EPAS1: variants seen among roughly 807,000 people sequenced by gnomAD.
EPAS1 encodes the protein endothelial PAS domain-containing protein 1.
Under a neutral mutation model 87.9 loss-of-function variants are expected in EPAS1, and 23 were observed. The ratio of observed to expected loss-of-function variants is 0.26; its 90% CI spans 0.19 to 0.37. The LOEUF is 0.37. EPAS1 is among the 10% of genes least tolerant of loss of function. The pLI is 1.00. For synonymous variants in EPAS1, 508 were observed against 444.3 expected (o/e 1.14, Z -1.80); for missense variants, 1,138 against 1,120.7 (o/e 1.02, Z -0.22).
intron 1 of EPAS1, among the ~76,000 whole-genome samples, chr2:46,308,144 C>T (rs1449793259): frequency 6.6e-6 from 1 of 152,204 alleles, no homozygotes; most frequent in South Asian, 2.1e-4. Context: ...ATTCCCACTT[C>T]TATTCCCTCA....
At chr2:46,304,587 A>C (rs147452240) in intron 1 of EPAS1, among the ~76,000 whole-genome samples, 1 of 152,216 alleles carries the variant, frequency 6.6e-6, no homozygotes, top group African/African-American at 2.4e-5. Context: ...TGAAAGGCCA[A>C]CATGGAACTC....
In EPAS1 at chr2:46,385,532, C is replaced by T. The variant is rs1317509938; in HGVS notation, c.*872C>T. On this transcript the variant is annotated 3_prime_UTR_variant, in exon 16 of 16. Transcript: ENST00000263734. ...TTCTTAGTGTTGTGGACACTGCAGA[C>T]TTGTCCAGTGCTCCCACGGCCTGTA... 2 of 152,328 alleles carry T rather than the reference C, an allele frequency of 1.3e-5. No homozygotes were observed. Among genetic ancestry groups the T allele is most frequent in the Non-Finnish European group, 2.9e-5 (2 of 68,036 alleles). 9.4% of individuals were successfully genotyped at this position (152,328 alleles called of 1,614,324 possible). A position where few individuals can be genotyped will look rare whatever the true frequency, so the allele number is the denominator to read the frequency against.
chr2:46,379,307 C>T (rs915811722), intron 11 of EPAS1, among the ~76,000 whole-genome samples: 5 of 152,258 alleles, frequency 3.3e-5, no homozygotes, highest in African/African-American at 9.6e-5. Flanking sequence ...GGGAGGGGTA[C>T]GTGTTTTACA....
chr2:46,330,342 C>T (rs752404011), intron 1 of EPAS1, among the ~76,000 whole-genome samples: 3 of 152,204 alleles, frequency 2.0e-5, no homozygotes, highest in Admixed American at 6.5e-5. Context: ...TCTTCCTACA[C>T]GTAGAGCTAG....
At chr2:46,362,977 A>AGTGGTGGTGGTGGTGGTGGTG (rs75642579) in intron 6 of EPAS1, among the ~76,000 whole-genome samples, 21 of 104,336 alleles carry the variant, frequency 2.0e-4, no homozygotes, top group Non-Finnish European at 2.5e-4. Flanking sequence ...TGGTGGTGGT[A>AGTGGTGGTGGTGGTGGTGGTG]GTGGTGGTGG....
intron 6 of EPAS1, among the ~76,000 whole-genome samples, chr2:46,365,563 C>T (rs2103645340): frequency 6.6e-6 from 1 of 152,276 alleles, no homozygotes; most frequent in Non-Finnish European, 1.5e-5. Flanking sequence ...ACACAACCTT[C>T]CTATGTATAC....
intron 1 of EPAS1, among the ~76,000 whole-genome samples, chr2:46,320,044 A>G (rs889456869): frequency 3.3e-5 from 5 of 152,202 alleles, no homozygotes; most frequent in African/African-American, 9.7e-5. Context: ...CAAATGATCT[A>G]TTACAACAAT....
rs557609922 is a variant in EPAS1, at chr2:46,302,942, G to GT, written c.26+5006dup. ...CAAAAAATTAGCCAGGCGTGGTGGCGTATGCCTGTAGTCCCAGCTACTCAA... is the reference window on the plus strand; with the variant it reads ...CAAAAAATTAGCCAGGCGTGGTGGCGTTATGCCTGTAGTCCCAGCTACTCAA... On this transcript the variant is annotated intron_variant, in intron 1 of 15. Transcript: ENST00000263734. 1.0e-3 allele frequency among the ~76,000 whole-genome samples: 155 copies of GT among 152,106 alleles called. 1 individual carries two copies. The highest frequency in any genetic ancestry group is 3.6e-3 in the African/African-American group (148 of 41,508).
chr2:46,344,440 C>T (rs1367077501), intron 1 of EPAS1, among the ~76,000 whole-genome samples: 1 of 152,198 alleles, frequency 6.6e-6, no homozygotes, highest in Admixed American at 6.5e-5. Flanking sequence ...TTGGAGAGCA[C>T]AAGGGTTAGT....
chr2:46,300,325 T>G lies in EPAS1; in HGVS notation c.26+2388T>G, dbSNP rs1004150112. ...CTAGTTCTTACATTTTGTGTTTCTTTGGTTTAGCAGAGCAGTTTCTTCCCC... is the reference window on the plus strand; with the variant it reads ...CTAGTTCTTACATTTTGTGTTTCTTGGGTTTAGCAGAGCAGTTTCTTCCCC... On this transcript the variant is annotated intron_variant, in intron 1 of 15. Transcript: ENST00000263734. This position sits in a 1 kb window ranked among gnomAD's most constrained non-coding sequence, Gnocchi z 4.1. Among the ~76,000 whole-genome samples the G allele has an allele frequency of 6.6e-6, 1 of 152,248 alleles. No individual in the cohort carries two copies. The highest frequency in any genetic ancestry group is 2.4e-5 in the African/African-American group (1 of 41,462).
Position 46,384,782 on chromosome 2 carries a change from T to C in EPAS1, c.*122T>C, listed in dbSNP as rs972513941. 3 of 1,341,948 alleles carry C rather than the reference T, an allele frequency of 2.2e-6. No homozygotes were observed. In the Admixed American group the frequency reaches 6.0e-5, roughly 27 times the overall value. The allele number at this position is 1,341,948 out of a possible 1,614,324, so 83.1% of individuals were successfully genotyped here. A position where few individuals can be genotyped will look rare whatever the true frequency, so the allele number is the denominator to read the frequency against. ...ACACTATTTACAAGATGGACTTACC[T>C]GGCAGACTTGCCCAGGTCACCAAGC... On this transcript the variant is annotated 3_prime_UTR_variant, in exon 16 of 16. Transcript: ENST00000263734.
chr2:46,341,587 T>C (rs1022194129), intron 1 of EPAS1, among the ~76,000 whole-genome samples: 2 of 152,230 alleles, frequency 1.3e-5, no homozygotes, highest in African/African-American at 4.8e-5. Flanking sequence ...AACTCCTAGA[T>C]AAATGACTGT....
At chr2:46,362,697 G>A (rs906816179) in intron 6 of EPAS1, among the ~76,000 whole-genome samples, 3 of 152,100 alleles carry the variant, frequency 2.0e-5, no homozygotes, top group Non-Finnish European at 2.9e-5. Context: ...ATTCCAGACC[G>A]GCCTGGTGTT....
chr2:46,370,121 G>A (rs1036035923), intron 7 of EPAS1, among the ~76,000 whole-genome samples, 188 bp downstream of exon 7: 12 of 152,184 alleles, frequency 7.9e-5, no homozygotes, highest in African/African-American at 1.9e-4. Flanking sequence ...AGACTCCTTC[G>A]TGCAAATTAG....
At chr2:46,301,581 A>G (rs1198517603) in intron 1 of EPAS1, among the ~76,000 whole-genome samples, 1 of 36,886 alleles carries the variant, frequency 2.7e-5, no homozygotes, top group Non-Finnish European at 6.5e-5. Context: ...TCTCAAAGAA[A>G]AAAAAAAAAA....
Position 46,378,093 on chromosome 2 carries a change from C to A in EPAS1, c.1443+6C>A. ...GCAGCAGCAGCTGCTCCACGGTGAG[C>A]AGCCCTCTTATGGCGAGGACACAGA... On this transcript the variant is annotated splice_donor_region_variant and intron_variant, in intron 10 of 15. Coordinates refer to ENST00000263734, the MANE Select transcript of EPAS1 (RefSeq NM_001430.5). 6.3e-7 allele frequency: 1 copy of A among 1,594,872 alleles called. No homozygotes were observed. The highest frequency in any genetic ancestry group is 1.1e-5 in the South Asian group (1 of 88,208).
At chr2:46,383,985 CTG>C (rs1432770767) in intron 15 of EPAS1, among the ~76,000 whole-genome samples, 2 of 152,152 alleles carry the variant, frequency 1.3e-5, no homozygotes, top group African/African-American at 4.8e-5. Context: ...GGATGGGGGC[CTG>C]TGTGTGTGCT....
intron 11 of EPAS1, chr2:46,379,966 TG>T: frequency 1.8e-6 from 1 of 568,840 alleles, no homozygotes; most frequent in African/African-American, 1.9e-5. Context: ...ACAGGTGGGA[TG>T]GGGAGAGGAG....
chr2:46,316,248 A>G (rs984998693), intron 1 of EPAS1, among the ~76,000 whole-genome samples: 2 of 151,910 alleles, frequency 1.3e-5, no homozygotes, highest in East Asian at 3.9e-4. Context: ...CTAAAAAACA[A>G]TGTACATACC....
Sources: gnomAD v4.1 joint callset for allele counts (sites outside exome capture counted in the v4.1 genomes callset) on GRCh38, gnomAD v4.1.1 for gene constraint, Gnocchi (gnomAD v3.1) non-coding constraint, MANE v1.5 for transcripts, NCBI Gene and HGNC (gene_info 2026-07-23, HGNC 2026-07-21) for gene names.